TMEM255B: variants seen among roughly 807,000 people sequenced by gnomAD.
TMEM255B encodes transmembrane protein 255B.
In TMEM255B, 35 loss-of-function variants were observed where a neutral mutation model predicts 34.5. The ratio of observed to expected loss-of-function variants is 1.01; its 90% CI spans 0.77 to 1.34. TMEM255B has a LOEUF of 1.34. Ranked by LOEUF, TMEM255B falls within the 40% of genes most tolerant of loss-of-function variation. TMEM255B has a pLI of 0.00. For missense variants in TMEM255B, 432 were observed against 433.2 expected, an observed-to-expected ratio of 1.00 and a Z score of 0.02; for synonymous variants, 206 against 201.2, an observed-to-expected ratio of 1.02 and a Z score of -0.20.
intron 4 of TMEM255B, among the ~76,000 whole-genome samples, chr13:113,797,970 C>T (rs1412195722): frequency 2.0e-5 from 3 of 152,204 alleles, no homozygotes; most frequent in South Asian, 2.1e-4. Context: ...AACTGTGTCT[C>T]GTTATCCTTA....
At chr13:113,763,505 T>TA (rs1407707231) in intron 1 of TMEM255B, among the ~76,000 whole-genome samples, 9 of 152,192 alleles carry the variant, frequency 5.9e-5, no homozygotes, top group Admixed American at 5.9e-4. Flanking sequence ...ACCGTGAACA[T>TA]ATAACCTTTC....
intron 3 of TMEM255B, among the ~76,000 whole-genome samples, chr13:113,775,786 C>A (rs1446368122): frequency 6.6e-6 from 1 of 152,238 alleles, no homozygotes; most frequent in Non-Finnish European, 1.5e-5. Context: ...AGGCCTCTTT[C>A]CCTGAAGCTC....
At chr13:113,764,804 G>T (rs1238310554) in intron 1 of TMEM255B, among the ~76,000 whole-genome samples, 1 of 152,208 alleles carries the variant, frequency 6.6e-6, no homozygotes, top group African/African-American at 2.4e-5. Context: ...GAGGCCTTCA[G>T]GGAGTGCTGC....
chr13:113,797,695 G>A (rs938691445), intron 4 of TMEM255B, among the ~76,000 whole-genome samples: 7 of 152,216 alleles, frequency 4.6e-5, no homozygotes, highest in African/African-American at 1.4e-4. Flanking sequence ...CCAAAGGACC[G>A]ATGAGTGATT....
chr13:113,774,596 A>G, intron 3 of TMEM255B, among the ~76,000 whole-genome samples: 1 of 149,524 alleles, frequency 6.7e-6, no homozygotes, highest in East Asian at 2.0e-4. Context: ...CACAACACAC[A>G]AATGACACAC....
At chr13:113,805,817 C>A (rs1026933731) in intron 8 of TMEM255B, among the ~76,000 whole-genome samples, 1 of 152,168 alleles carries the variant, frequency 6.6e-6, no homozygotes, top group Non-Finnish European at 1.5e-5. Context: ...CAGTTGAGAA[C>A]CCTGGTCCTG....
intron 3 of TMEM255B, among the ~76,000 whole-genome samples, chr13:113,782,516 C>T (rs552756067): frequency 3.9e-5 from 6 of 152,162 alleles, no homozygotes; most frequent in South Asian, 2.1e-4. Flanking sequence ...ACAGTGAAAA[C>T]GGTCTGAACT....
rs772000759 is a variant in TMEM255B, at chr13:113,799,441, C to G, written c.423+22C>G. ...AGAGGTGAGCAGGAGCACTGAGATTCATGTGGGTTTTGCTCAGCTAACCCC... is the reference window on the plus strand; with the variant it reads ...AGAGGTGAGCAGGAGCACTGAGATTGATGTGGGTTTTGCTCAGCTAACCCC... On this transcript the variant is annotated intron_variant, in intron 5 of 8. Transcript: ENST00000375353. 7 of 1,611,002 alleles carry G rather than the reference C, an allele frequency of 4.3e-6. No homozygotes were observed. The South Asian group carries it at 7.7e-5, about 18-fold the overall frequency.
Position 113,814,787 on chromosome 13 carries a change from G to C in TMEM255B, c.*2884G>C, listed in dbSNP as rs2051384444. The C allele has an allele frequency of 6.6e-6, 1 of 151,754 alleles. No individual in the cohort carries two copies. The highest frequency in any genetic ancestry group is 2.0e-4 in the East Asian group (1 of 5,108). The allele number at this position is 151,754 out of a possible 1,614,324, so 9.4% of individuals were successfully genotyped here. A position where few individuals can be genotyped will look rare whatever the true frequency, so the allele number is the denominator to read the frequency against. On this transcript the variant is annotated 3_prime_UTR_variant, in exon 9 of 9. Coordinates refer to ENST00000375353, the MANE Select transcript of TMEM255B (RefSeq NM_182614.4). ...TGGGCTCCCAATCCCGCCCTCACTT[G>C]GTTCCCATGCACAGCCGAGGTCAGT...
chr13:113,804,910 G>T lies in TMEM255B; in HGVS notation c.695G>T (p.Gly232Val). Reference sequence around the variant, plus strand: ...GTGCCTCTGTCCCAGCTGGCCTATGGCCCAGCCGTCCCACCACAGACCCTC... The same window carrying T: ...GTGCCTCTGTCCCAGCTGGCCTATGTCCCAGCCGTCCCACCACAGACCCTC... ...DMVPLSQLAY[G>V]PAVPPQTLYN... is the part of the protein sequence containing the mutation. The change falls in exon 8 of 9, where the codon GGC becomes GTC. Residue 232 changes from glycine to valine, a missense_variant. Transcript: ENST00000375353. 1 of 1,602,318 alleles carries T rather than the reference G, an allele frequency of 6.2e-7. No homozygotes were observed. Among genetic ancestry groups the T allele is most frequent in the Non-Finnish European group, 8.5e-7 (1 of 1,179,208 alleles).
chr13:113,762,985 G>T (rs934641563), intron 1 of TMEM255B, among the ~76,000 whole-genome samples: 1 of 152,228 alleles, frequency 6.6e-6, no homozygotes, highest in South Asian at 2.1e-4. Flanking sequence ...TTTAGAAATT[G>T]TATTGCTCTT....
At position 113,766,102 on chromosome 13, in the gene TMEM255B, T is replaced by C; in HGVS notation, c.47-13T>C. 1.2e-6 allele frequency: 2 copies of C among 1,613,928 alleles called. No individual in the cohort carries two copies. The highest frequency in any genetic ancestry group is 1.7e-6 in the Non-Finnish European group (2 of 1,179,986). On this transcript the variant is annotated splice_polypyrimidine_tract_variant and intron_variant, in intron 1 of 8. Coordinates refer to ENST00000375353, the MANE Select transcript of TMEM255B (RefSeq NM_182614.4). ...GAGCCCTCACTGACAGGTCCTCGCC[T>C]TCCTCCCCACAGAAGGGCTTTCGAG...
At chr13:113,782,676 G>GGA in intron 3 of TMEM255B, among the ~76,000 whole-genome samples, 1 of 116,706 alleles carries the variant, frequency 8.6e-6, no homozygotes, top group South Asian at 2.9e-4. Context: ...GATGGTCGGA[G>GGA]GGGGGGGCTT....
At chr13:113,804,842 A>G in intron 7 of TMEM255B, 43 bp from the exon 8 acceptor site, 1 of 1,555,936 alleles carries the variant, frequency 6.4e-7, no homozygotes, top group Non-Finnish European at 8.7e-7. Context: ...CCTTCCCTCC[A>G]CTAGGGGGTA....
At chr13:113,790,965 G>A (rs184906531) in intron 3 of TMEM255B, among the ~76,000 whole-genome samples, 41 of 152,368 alleles carry the variant, frequency 2.7e-4, no homozygotes, top group East Asian at 3.9e-4. Context: ...GGACATCTGC[G>A]AGGACGTTCG....
At chr13:113,801,412 C>T (rs776049415) in intron 6 of TMEM255B, among the ~76,000 whole-genome samples, 51 of 152,180 alleles carry the variant, frequency 3.4e-4, no homozygotes, top group Non-Finnish European at 6.2e-4. Flanking sequence ...GGCGGAGGGG[C>T]GGGCCCGCCA....
In TMEM255B at chr13:113,795,532, A is replaced by G. The variant is rs549023690; in HGVS notation, c.342+295A>G. 1.6e-4 allele frequency among the ~76,000 whole-genome samples: 24 copies of G among 145,956 alleles called. No individual in the cohort carries two copies. In the East Asian group the frequency reaches 4.7e-3, roughly 29 times the overall value. On this transcript the variant is annotated intron_variant, in intron 4 of 8. Transcript: ENST00000375353. The stretch of plus-strand genomic sequence containing the variant: ...GCACACAGCACACAACACACAGAGC[A>G]CACAGCACACACACAACACAGCACA...
intron 1 of TMEM255B, chr13:113,761,334 C>T (rs962568512): frequency 1.7e-5 from 17 of 985,194 alleles, no homozygotes; most frequent in Non-Finnish European, 1.8e-5. Context: ...CCTCCAGCCT[C>T]GCGTGTCTTC....
At chr13:113,811,192 A>G (rs113958398) in intron 8 of TMEM255B, among the ~76,000 whole-genome samples, 741 of 24,426 alleles carry the variant, frequency 0.03, 6 homozygotes, top group Admixed American at 0.058. Context: ...GGTGGGGGCC[A>G]GTGAGAGAGG....
Sources: allele counts gnomAD v4.1 joint callset (sites outside exome capture counted in the v4.1 genomes callset), GRCh38; gene constraint gnomAD v4.1.1; transcripts MANE v1.5; gene names NCBI Gene and HGNC (gene_info 2026-07-23, HGNC 2026-07-21).